Variants in MAF observed in about 807,000 individuals in gnomAD.
MAF encodes MAF bZIP transcription factor, also known as transcription factor Maf.
In MAF, 10 loss-of-function variants were observed where a neutral mutation model predicts 22.0. The ratio of observed to expected loss-of-function variants is 0.45; its 90% CI spans 0.28 to 0.77. MAF has a LOEUF of 0.77. MAF is among the 30% of genes least tolerant of loss of function. The pLI is 0.12. For synonymous variants in MAF, 337 were observed against 255.8 expected, an observed-to-expected ratio of 1.32 and a Z score of -3.03; for missense variants, 544 against 548.4, an observed-to-expected ratio of 0.99 and a Z score of 0.08.
At chr16:79,535,576 A>C in the MAF span, among the ~76,000 whole-genome samples, 2 of 118,120 alleles carry the variant, frequency 1.7e-5, no homozygotes, top group Non-Finnish European at 3.6e-5. Context: ...AGCATCAAGC[A>C]TTGCTTCTTC....
At chr16:79,326,398 T>G in the MAF span, among the ~76,000 whole-genome samples, 1 of 152,200 alleles carries the variant, frequency 6.6e-6, no homozygotes, top group East Asian at 1.9e-4. Flanking sequence ...CCATTTAAAC[T>G]TTTTCCATCC....
the MAF span, among the ~76,000 whole-genome samples, chr16:79,419,833 G>T: frequency 6.6e-6 from 1 of 151,946 alleles, no homozygotes; most frequent in East Asian, 1.9e-4. Context: ...ACCATGATCT[G>T]TTCATCCATT....
chr16:79,245,701 T>G, the MAF span, among the ~76,000 whole-genome samples: 1 of 151,996 alleles, frequency 6.6e-6, no homozygotes, highest in African/African-American at 2.4e-5. Flanking sequence ...GCAGTCTCAT[T>G]ACTGGGTATA....
the MAF span, among the ~76,000 whole-genome samples, chr16:79,215,211 A>G: frequency 2.0e-5 from 3 of 152,156 alleles, no homozygotes; most frequent in South Asian, 4.1e-4. Context: ...TGCTCCTTCC[A>G]TAAGTTGACT....
intron 1 of MAF, 84 bp from the exon 2 acceptor site, chr16:79,594,637 T>G (rs1418327356): frequency 6.8e-7 from 1 of 1,474,280 alleles, no homozygotes; most frequent in Non-Finnish European, 9.0e-7. Flanking sequence ...TTTCCTCATA[T>G]GATTTTTTTT....
At chr16:79,529,438 T>A in the MAF span, among the ~76,000 whole-genome samples, 1 of 152,196 alleles carries the variant, frequency 6.6e-6, no homozygotes, top group Non-Finnish European at 1.5e-5. Context: ...TGAAGCATAT[T>A]CTGAAATCTA....
chr16:79,520,055 G>A, the MAF span, among the ~76,000 whole-genome samples: 1 of 152,192 alleles, frequency 6.6e-6, no homozygotes, highest in East Asian at 1.9e-4. Flanking sequence ...CACACGTTGG[G>A]TCAAAAGGTT....
chr16:79,597,404 T>C (rs552489493), intron 1 of MAF: 4 of 1,031,854 alleles, frequency 3.9e-6, no homozygotes, highest in South Asian at 9.2e-5. Flanking sequence ...TGGGGCAGTT[T>C]CTCTTTTTAA....
At chr16:79,271,797 T>G in the MAF span, among the ~76,000 whole-genome samples, 1 of 152,322 alleles carries the variant, frequency 6.6e-6, no homozygotes, top group East Asian at 1.9e-4. Context: ...TTCTTTCAAA[T>G]ATGGTATAAA....
At chr16:79,276,267 G>C in the MAF span, among the ~76,000 whole-genome samples, 2 of 152,182 alleles carry the variant, frequency 1.3e-5, no homozygotes, top group African/African-American at 4.8e-5. Context: ...TTTTTATGTA[G>C]CAGGCCCCTG....
At chr16:79,527,721 G>C in the MAF span, among the ~76,000 whole-genome samples, 1 of 152,210 alleles carries the variant, frequency 6.6e-6, no homozygotes, top group Non-Finnish European at 1.5e-5. Context: ...TGTGTAGGAA[G>C]TTCACTTCAG....
At chr16:79,227,022 A>T in the MAF span, among the ~76,000 whole-genome samples, 1 of 152,114 alleles carries the variant, frequency 6.6e-6, no homozygotes, top group Admixed American at 6.6e-5. Flanking sequence ...TGAAAAAAAT[A>T]AAAGCAGGTG....
chr16:79,350,771 A>G, the MAF span, among the ~76,000 whole-genome samples: 132 of 152,292 alleles, frequency 8.7e-4, no homozygotes, highest in African/African-American at 3.1e-3. Flanking sequence ...CAGGCATTCC[A>G]GCCTTCAGTG....
chr16:79,590,211 G>T (rs1913110213), downstream of MAF, among the ~76,000 whole-genome samples: 2 of 152,238 alleles, frequency 1.3e-5, no homozygotes, highest in East Asian at 1.9e-4. Context: ...TTGGCGGAGG[G>T]GGGGATGATG....
the MAF span, among the ~76,000 whole-genome samples, chr16:79,218,303 C>T: frequency 6.7e-6 from 1 of 150,078 alleles, no homozygotes; most frequent in East Asian, 2.0e-4. Context: ...TCATATATCA[C>T]ATAGGTGATG....
At chr16:79,305,361 C>T in the MAF span, among the ~76,000 whole-genome samples, 14 of 152,224 alleles carry the variant, frequency 9.2e-5, no homozygotes, top group Non-Finnish European at 2.1e-4. Flanking sequence ...GGTATTGCTG[C>T]TCCAGTCCCA....
chr16:79,408,217 C>G, the MAF span, among the ~76,000 whole-genome samples: 8 of 151,990 alleles, frequency 5.3e-5, no homozygotes, highest in Non-Finnish European at 1.0e-4. Flanking sequence ...CGCTCTGTCA[C>G]CCAAGCTGGA....
chr16:79,504,114 A>G, the MAF span, among the ~76,000 whole-genome samples: 2 of 152,208 alleles, frequency 1.3e-5, no homozygotes, highest in Non-Finnish European at 2.9e-5. Context: ...TTAAATATTC[A>G]GATGTGACTT....
At chr16:79,479,577 G>A in the MAF span, among the ~76,000 whole-genome samples, 34 of 152,254 alleles carry the variant, frequency 2.2e-4, no homozygotes, top group East Asian at 4.6e-3. Context: ...GGAATCCTTC[G>A]TCCCCCTCTC....
Sources: allele counts gnomAD v4.1 joint callset (sites outside exome capture counted in the v4.1 genomes callset), GRCh38; gene constraint gnomAD v4.1.1; transcripts MANE v1.5; gene names NCBI Gene and HGNC (gene_info 2026-07-23, HGNC 2026-07-21).